NLRC5: variants seen among roughly 807,000 people sequenced by gnomAD.
NLRC5 encodes the protein NLR family CARD domain containing 5, also known as protein NLRC5.
NLRC5 carries 114 observed loss-of-function variants against 206.9 expected under a neutral mutation model. That is an observed-to-expected ratio of 0.55 (90% CI 0.47 to 0.64). The LOEUF (loss-of-function observed/expected upper bound fraction) is 0.64, where lower values mean the gene tolerates loss of function less well. Among genes scored for constraint, NLRC5 ranks in the 30% least tolerant of loss-of-function variants. The pLI, the probability that NLRC5 is intolerant of heterozygous loss-of-function variation, is 0.00. For synonymous variants in NLRC5, 952 were observed against 962.8 expected, an observed-to-expected ratio of 0.99 and a Z score of 0.21; for missense variants, 2,008 against 2,305.5, an observed-to-expected ratio of 0.87 and a Z score of 2.64.
At chr16:57,072,697 T>C (rs543644634) in intron 38 of NLRC5, among the ~76,000 whole-genome samples, 1 of 58,082 alleles carries the variant, frequency 1.7e-5, no homozygotes, top group African/African-American at 6.2e-5. Flanking sequence ...CTCTTAACTT[T>C]TTCTGATGAC....
At chr16:57,066,493 A>G in intron 33 of NLRC5, 41 bp from the exon 34 acceptor site, 1 of 1,591,152 alleles carries the variant, frequency 6.3e-7, no homozygotes, top group Non-Finnish European at 8.6e-7. Context: ...CCCTCCGGGG[A>G]AGGCTGCCCG....
At chr16:57,048,034 C>G (rs1220011699) in intron 23 of NLRC5, 1 of 184,096 alleles carries the variant, frequency 5.4e-6, no homozygotes, top group Non-Finnish European at 1.1e-5. Context: ...CCACCTCACT[C>G]GCCCCAGAAC....
At chr16:57,055,202 C>T (rs2065458590) in intron 26 of NLRC5, 108 bp downstream of exon 26, 2 of 1,211,170 alleles carry the variant, frequency 1.7e-6, no homozygotes, top group African/African-American at 3.0e-5. Context: ...CAAAACATTC[C>T]CCTGGAACAA....
chr16:57,006,413 CTTTTTTTTTT>C (rs58713490), intron 1 of NLRC5, among the ~76,000 whole-genome samples: 33 of 90,836 alleles, frequency 3.6e-4, no homozygotes, highest in South Asian at 5.0e-4. Context: ...TCTTCATCCT[CTTTTTTTTTT>C]TTTTTTTTTT....
intron 41 of NLRC5, 72 bp downstream of exon 41, chr16:57,077,451 T>G (rs1256813859): frequency 2.2e-6 from 3 of 1,392,520 alleles, no homozygotes; most frequent in Admixed American, 3.7e-5. Flanking sequence ...GGCCCCTAGC[T>G]GAGGCCAGCA....
intron 27 of NLRC5, among the ~76,000 whole-genome samples, chr16:57,057,644 T>C (rs1346325090): frequency 6.6e-6 from 1 of 152,252 alleles, no homozygotes; most frequent in African/African-American, 2.4e-5. Context: ...AAATTGGTTT[T>C]TCTTTAACCC....
chr16:57,077,184 C>A, intron 40 of NLRC5, 112 bp from the exon 41 acceptor site: 1 of 929,088 alleles, frequency 1.1e-6, no homozygotes, highest in Non-Finnish European at 1.7e-6. Context: ...ATGGGGCTCT[C>A]TGTGTGAGTC....
intron 19 of NLRC5, among the ~76,000 whole-genome samples, chr16:57,042,961 GT>G (rs1327574605): frequency 3.9e-5 from 6 of 152,174 alleles, no homozygotes; most frequent in South Asian, 2.1e-4. Context: ...AAGACTGGAG[GT>G]TTTAGTATGT....
chr16:57,016,680 A>G (rs1283746677), intron 1 of NLRC5, among the ~76,000 whole-genome samples: 5 of 152,216 alleles, frequency 3.3e-5, no homozygotes, highest in African/African-American at 1.2e-4. Context: ...GGGGTTTTAT[A>G]TTGGGGGCAA....
chr16:57,072,874 C>G (rs181229954), intron 38 of NLRC5, among the ~76,000 whole-genome samples: 1 of 151,990 alleles, frequency 6.6e-6, no homozygotes, highest in Non-Finnish European at 1.5e-5. Flanking sequence ...GACTTTTTGC[C>G]CCTTAACATT....
At chr16:57,055,798 T>C (rs1214402882) in intron 27 of NLRC5, among the ~76,000 whole-genome samples, 7 of 152,192 alleles carry the variant, frequency 4.6e-5, no homozygotes, top group Non-Finnish European at 1.0e-4. Flanking sequence ...TGCTGGCAGA[T>C]GGGGGCTAAA....
intron 1 of NLRC5, among the ~76,000 whole-genome samples, chr16:57,002,453 A>T (rs1009642655): frequency 6.6e-6 from 1 of 151,586 alleles, no homozygotes; most frequent in Non-Finnish European, 1.5e-5. Flanking sequence ...CAGCTGCCAC[A>T]TTTTCTCTGT....
chr16:57,020,237 C>T (rs894932819), intron 2 of NLRC5, among the ~76,000 whole-genome samples: 5 of 151,382 alleles, frequency 3.3e-5, no homozygotes, highest in Non-Finnish European at 2.9e-5. Flanking sequence ...TCACCTGCCC[C>T]ACAACTCACC....
rs2063185563 is a variant in NLRC5, at chr16:57,040,818, T to C, written c.2939+100T>C. 9 of 1,149,658 alleles carry C rather than the reference T, an allele frequency of 7.8e-6. No homozygotes were observed. The South Asian group carries it at 1.2e-4, about 15-fold the overall frequency. 71.2% of individuals were successfully genotyped at this position (1,149,658 alleles called of 1,614,324 possible). On this transcript the variant is annotated intron_variant, in intron 17 of 48. Transcript: ENST00000688547. ...CTGTGCCCAGGCCCCACATGCTCCC[T>C]GAAGGACACCTGACCTGCTGTGTCC...
intron 1 of NLRC5, among the ~76,000 whole-genome samples, chr16:56,990,155 A>G (rs1238050454): frequency 6.6e-6 from 1 of 152,048 alleles, no homozygotes; most frequent in Non-Finnish European, 1.5e-5. Context: ...AGCCCCACCT[A>G]TCCACGTTCA....
chr16:57,012,159 T>C (rs2059574272), intron 1 of NLRC5, among the ~76,000 whole-genome samples: 1 of 152,274 alleles, frequency 6.6e-6, no homozygotes, highest in Non-Finnish European at 1.5e-5. Flanking sequence ...ACGTGATCTT[T>C]AGTGATCTTT....
intron 15 of NLRC5, among the ~76,000 whole-genome samples, chr16:57,038,486 G>A (rs1425948529): frequency 3.9e-5 from 6 of 152,030 alleles, no homozygotes; most frequent in South Asian, 2.1e-4. Context: ...TCAAACTCCC[G>A]AGCTCATGTG....
In NLRC5 at chr16:57,079,638, T is replaced by C. The variant is rs1445872626; in HGVS notation, c.5321+9T>C. 3.4e-5 allele frequency: 55 copies of C among 1,612,780 alleles called. No individual in the cohort carries two copies. The highest frequency in any genetic ancestry group is 4.5e-5 in the Non-Finnish European group (53 of 1,179,062). ...GCCCTGGAAGTAATCTTGTGAGTGA[T>C]TGGAAGAGCCCTGAGCTGGCTGGGA... On this transcript the variant is annotated intron_variant, in intron 46 of 48. Coordinates refer to ENST00000688547, the MANE Select transcript of NLRC5 (RefSeq NM_001384950.1).
Position 57,024,305 on chromosome 16 carries a change from G to A in NLRC5, c.424+452G>A, listed in dbSNP as rs2061019487. Reference sequence around the variant, plus strand: ...CATGGAGCTGCTTAGGGCAGGCCAGGCCAGTGAGAGAAGAAAGGGGACTTC... The same window carrying A: ...CATGGAGCTGCTTAGGGCAGGCCAGACCAGTGAGAGAAGAAAGGGGACTTC... On this transcript the variant is annotated intron_variant, in intron 5 of 48. Transcript: ENST00000688547. Among the ~76,000 whole-genome samples the A allele has an allele frequency of 2.6e-5, 4 of 152,328 alleles. No homozygotes were observed. The South Asian group carries it at 8.3e-4, about 32-fold the overall frequency.
Sources: allele counts gnomAD v4.1 joint callset (sites outside exome capture counted in the v4.1 genomes callset), GRCh38; gene constraint gnomAD v4.1.1; transcripts MANE v1.5; gene names NCBI Gene and HGNC (gene_info 2026-07-23, HGNC 2026-07-21).